The following NXPE2 variants were observed in gnomAD, a reference collection of about 807,000 sequenced individuals.
NXPE2 encodes neurexophilin and PC-esterase domain family member 2.
A neutral mutation model predicts 34.4 loss-of-function variants in NXPE2; 34 were observed. That is an observed-to-expected ratio of 0.99 (90% CI 0.75 to 1.31). The LOEUF is 1.31. Among genes scored for constraint, NXPE2 ranks in the 40% most tolerant of loss-of-function variants. NXPE2 has a pLI of 0.00. For synonymous variants in NXPE2, 235 were observed against 231.3 expected, an observed-to-expected ratio of 1.02 and a Z score of -0.15; for missense variants, 649 against 672.5, an observed-to-expected ratio of 0.97 and a Z score of 0.39.
At chr11:114,510,383 A>G in the NXPE2 span, among the ~76,000 whole-genome samples, 1 of 152,086 alleles carries the variant, frequency 6.6e-6, no homozygotes, top group Admixed American at 6.6e-5. Context: ...ACAGGTGCAC[A>G]CCACCATGCC....
At chr11:114,621,254 C>T in the NXPE2 span, among the ~76,000 whole-genome samples, 1 of 142,196 alleles carries the variant, frequency 7.0e-6, no homozygotes, top group East Asian at 2.2e-4. Flanking sequence ...GTGGATAATA[C>T]GTGTTGCCTC....
At chr11:114,580,524 G>C in the NXPE2 span, among the ~76,000 whole-genome samples, 1 of 151,928 alleles carries the variant, frequency 6.6e-6, no homozygotes, top group Non-Finnish European at 1.5e-5. Flanking sequence ...TCTCTGATGT[G>C]AATTTCCTAA....
chr11:114,791,621 G>C, the NXPE2 span, among the ~76,000 whole-genome samples: 1 of 152,232 alleles, frequency 6.6e-6, no homozygotes, highest in Admixed American at 6.5e-5. Flanking sequence ...ACCAAAGCTA[G>C]TATGAATGAA....
the NXPE2 span, among the ~76,000 whole-genome samples, chr11:114,492,306 C>G: frequency 6.6e-6 from 1 of 151,138 alleles, no homozygotes; most frequent in African/African-American, 2.4e-5. Context: ...TCCAAAAATC[C>G]CTCTTGTTAT....
chr11:114,728,898 AT>A, the NXPE2 span, among the ~76,000 whole-genome samples: 1 of 152,032 alleles, frequency 6.6e-6, no homozygotes, highest in Admixed American at 6.6e-5. Context: ...CAACTAATTT[AT>A]TTTTTAATTT....
At chr11:114,514,889 C>T in the NXPE2 span, among the ~76,000 whole-genome samples, 1 of 151,968 alleles carries the variant, frequency 6.6e-6, no homozygotes, top group Admixed American at 6.6e-5. Context: ...TTCTTAAAAG[C>T]AAGTTTTAAT....
At chr11:114,755,292 C>G in the NXPE2 span, among the ~76,000 whole-genome samples, 1 of 152,148 alleles carries the variant, frequency 6.6e-6, no homozygotes. Context: ...TTATTATTTG[C>G]AAGTTTTCTT....
At chr11:114,719,412 G>C in the NXPE2 span, among the ~76,000 whole-genome samples, 1 of 152,244 alleles carries the variant, frequency 6.6e-6, no homozygotes, top group African/African-American at 2.4e-5. Flanking sequence ...GGAGGCAGCA[G>C]CCTAATGTGG....
chr11:114,771,765 C>A, the NXPE2 span, among the ~76,000 whole-genome samples: 1 of 152,258 alleles, frequency 6.6e-6, no homozygotes, highest in Admixed American at 6.5e-5. Context: ...GCTTCTCTTT[C>A]CATTGTGGCC....
the NXPE2 span, among the ~76,000 whole-genome samples, chr11:114,514,400 T>C: frequency 1.3e-5 from 2 of 152,334 alleles, no homozygotes; most frequent in Non-Finnish European, 2.9e-5. Context: ...TCTTTCTTTC[T>C]TTCTTTTTTG....
the NXPE2 span, among the ~76,000 whole-genome samples, chr11:114,627,744 G>T: frequency 1.3e-5 from 2 of 152,230 alleles, no homozygotes; most frequent in Non-Finnish European, 1.5e-5. Context: ...AAAGAGTCAA[G>T]ACCCATCAGT....
the NXPE2 span, among the ~76,000 whole-genome samples, chr11:114,743,326 T>G: frequency 2.6e-5 from 4 of 152,298 alleles, no homozygotes; most frequent in East Asian, 7.7e-4. Context: ...CATGTTATGT[T>G]GCATGTAATC....
chr11:114,493,877 T>C, the NXPE2 span, among the ~76,000 whole-genome samples: 1 of 152,210 alleles, frequency 6.6e-6, no homozygotes, highest in African/African-American at 2.4e-5. Flanking sequence ...TTATCATTTC[T>C]TATAGAAAAG....
chr11:114,614,854 T>A, the NXPE2 span, among the ~76,000 whole-genome samples: 110 of 151,998 alleles, frequency 7.2e-4, no homozygotes, highest in African/African-American at 2.6e-3. Context: ...TGTTGCCTTA[T>A]GGGTTACCAC....
At chr11:114,755,049 TGA>T in the NXPE2 span, among the ~76,000 whole-genome samples, 4 of 152,168 alleles carry the variant, frequency 2.6e-5, no homozygotes, top group Non-Finnish European at 5.9e-5. Context: ...GATGTTTCAG[TGA>T]GGTGATTAAG....
At chr11:114,639,734 TAA>T in the NXPE2 span, among the ~76,000 whole-genome samples, 17 of 100,374 alleles carry the variant, frequency 1.7e-4, no homozygotes, top group East Asian at 9.0e-4. Flanking sequence ...TAATATAATA[TAA>T]AATAATATAT....
chr11:114,647,537 G>C, the NXPE2 span, among the ~76,000 whole-genome samples: 1 of 151,668 alleles, frequency 6.6e-6, no homozygotes, highest in Non-Finnish European at 1.5e-5. Context: ...AGACAATTTT[G>C]GTATTCTCTA....
chr11:114,626,546 G>A, the NXPE2 span, among the ~76,000 whole-genome samples: 3 of 152,034 alleles, frequency 2.0e-5, no homozygotes, highest in South Asian at 2.1e-4. Flanking sequence ...AAAGACCAAA[G>A]GTAGATAAAA....
the NXPE2 span, among the ~76,000 whole-genome samples, chr11:114,642,795 G>C: frequency 6.6e-6 from 1 of 151,974 alleles, no homozygotes; most frequent in African/African-American, 2.4e-5. Flanking sequence ...GGGCTTGCTG[G>C]GTCAAATGGC....
Sources: gnomAD v4.1 joint callset for allele counts (sites outside exome capture counted in the v4.1 genomes callset) on GRCh38, gnomAD v4.1.1 for gene constraint, MANE v1.5 for transcripts, NCBI Gene and HGNC (gene_info 2026-07-23, HGNC 2026-07-21) for gene names.